MTOR: variants seen among roughly 807,000 people sequenced by gnomAD.
MTOR encodes mechanistic target of rapamycin kinase, also known as serine/threonine-protein kinase mTOR.
Under a neutral mutation model 319.8 loss-of-function variants are expected in MTOR, and 70 were observed. That is an observed-to-expected ratio of 0.22 (90% CI 0.18 to 0.27). The LOEUF (loss-of-function observed/expected upper bound fraction) is 0.27. Among genes scored for constraint, MTOR ranks in the 10% least tolerant of loss-of-function variants. The pLI is 1.00. For missense variants in MTOR, 1,890 were observed against 3,274.4 expected (o/e 0.58, Z 10.32); for synonymous variants, 1,183 against 1,211.4 (o/e 0.98, Z 0.49).
intron 38 of MTOR, chr1:11,131,380 C>A (rs1643150272): frequency 6.4e-6 from 1 of 156,142 alleles, no homozygotes; most frequent in African/African-American, 2.4e-5. Context: ...CTGGCACTTT[C>A]ACCCAGAAAG....
At chr1:11,111,937 C>T (rs557272010) in intron 54 of MTOR, among the ~76,000 whole-genome samples, 30 of 143,984 alleles carry the variant, frequency 2.1e-4, no homozygotes, top group African/African-American at 7.8e-4. Flanking sequence ...GAGGGCTAAA[C>T]AAAGTTAAAC....
At position 11,107,005 on chromosome 1, in the gene MTOR, T is replaced by C; in HGVS notation, c.*480A>G. 7.3e-7 allele frequency: 1 copy of C among 1,370,882 alleles called. No individual in the cohort carries two copies. The allele number at this position is 1,370,882 out of a possible 1,614,324, so 84.9% of individuals were successfully genotyped here. A position where few individuals can be genotyped will look rare whatever the true frequency, so the allele number is the denominator to read the frequency against. ...CAGACCAGTGAGGTCTTGGGATAGGTGGCAGGGGTGAGGTCAGCATCTTCT... is the reference window on the plus strand; with the variant it reads ...CAGACCAGTGAGGTCTTGGGATAGGCGGCAGGGGTGAGGTCAGCATCTTCT... On this transcript the variant is annotated 3_prime_UTR_variant, in exon 58 of 58. Coordinates refer to ENST00000361445, the MANE Select transcript of MTOR (RefSeq NM_004958.4).
At chr1:11,118,143 A>G (rs1365971127) in intron 49 of MTOR, among the ~76,000 whole-genome samples, 1 of 152,122 alleles carries the variant, frequency 6.6e-6, no homozygotes, top group Non-Finnish European at 1.5e-5. Flanking sequence ...TAGCAGGGAA[A>G]GGATGAATTA....
intron 34 of MTOR, among the ~76,000 whole-genome samples, chr1:11,140,421 T>C (rs1570972230): frequency 6.6e-6 from 1 of 152,196 alleles, no homozygotes; most frequent in East Asian, 1.9e-4. Flanking sequence ...TTCATGCTCC[T>C]GTGAGAATCC....
In MTOR at chr1:11,212,753, A is replaced by G; in HGVS notation, c.3398+43T>C. On this transcript the variant is annotated intron_variant, in intron 22 of 57. Transcript: ENST00000361445. The surrounding 1 kb of genome is among the most constrained non-coding windows in gnomAD (Gnocchi z 4.1). ...AAGAAATGAACATTTTCAACAAAACATTAAAGCTTAAAGATTGCTAGTCCC... is the reference window on the plus strand; with the variant it reads ...AAGAAATGAACATTTTCAACAAAACGTTAAAGCTTAAAGATTGCTAGTCCC... 2 of 1,505,400 alleles carry G rather than the reference A, an allele frequency of 1.3e-6. No homozygotes were observed. The allele number at this position is 1,505,400 out of a possible 1,614,324, so 93.3% of individuals were successfully genotyped here. A position where few individuals can be genotyped will look rare whatever the true frequency, so the allele number is the denominator to read the frequency against.
chr1:11,194,663 A>T, intron 28 of MTOR: 1 of 1,614,160 alleles, frequency 6.2e-7, no homozygotes, highest in South Asian at 1.1e-5. Context: ...CGCAAAGGTG[A>T]GATTTGGGGG....
rs140367029 is a variant in MTOR, at chr1:11,193,066, T to C, written c.4253+6192A>G. Among the ~76,000 whole-genome samples, 4 of 152,116 alleles carry C rather than the reference T, an allele frequency of 2.6e-5. No individual in the cohort carries two copies. In the East Asian group the frequency reaches 7.8e-4, roughly 29 times the overall value. ...GGTGGCTCACACCTGTAATCCCAAG[T>C]TTTTTGGGAGGTGAGGTGGGCGGAA... On this transcript the variant is annotated intron_variant, in intron 28 of 57. Transcript: ENST00000361445.
chr1:11,162,693 A>T (rs1413104835), intron 29 of MTOR, among the ~76,000 whole-genome samples: 1 of 152,184 alleles, frequency 6.6e-6, no homozygotes, highest in Admixed American at 6.5e-5. Context: ...TAAGCTTCAT[A>T]AGTGAAGGAG....
chr1:11,182,587 A>C (rs1475510982), intron 28 of MTOR, among the ~76,000 whole-genome samples: 2 of 152,226 alleles, frequency 1.3e-5, no homozygotes, highest in Non-Finnish European at 2.9e-5. Context: ...TGTAATTACC[A>C]CCCAGACCAG....
At chr1:11,108,768 G>A (rs1476504374) in intron 56 of MTOR, among the ~76,000 whole-genome samples, 1 of 151,570 alleles carries the variant, frequency 6.6e-6, no homozygotes. Context: ...GGTGCGGTGG[G>A]TGAATCACTT....
intron 30 of MTOR, among the ~76,000 whole-genome samples, chr1:11,154,109 A>T (rs929413134): frequency 7.3e-6 from 1 of 137,660 alleles, no homozygotes; most frequent in Non-Finnish European, 1.6e-5. Context: ...AAAAAGCCAC[A>T]TGTGGCTAGA....
At chr1:11,145,503 A>G (rs746137424) in intron 32 of MTOR, among the ~76,000 whole-genome samples, 20 of 151,964 alleles carry the variant, frequency 1.3e-4, no homozygotes, top group Admixed American at 1.3e-4. Context: ...CAGCCTCCCA[A>G]GTAGCTGGGA....
At chr1:11,252,801 A>C (rs1379594715) in intron 6 of MTOR, among the ~76,000 whole-genome samples, 1 of 152,184 alleles carries the variant, frequency 6.6e-6, no homozygotes, top group Non-Finnish European at 1.5e-5. Flanking sequence ...ATATATCCTG[A>C]ATCAACTACT....
intron 38 of MTOR, 22 bp from the exon 39 acceptor site, chr1:11,130,799 G>A (rs2100433940): frequency 6.4e-7 from 1 of 1,551,984 alleles, no homozygotes; most frequent in Admixed American, 2.0e-5. Flanking sequence ...GAAAGGCAAG[G>A]ACAGACACTG....
At chr1:11,154,752 G>A (rs1445865526) in intron 30 of MTOR, among the ~76,000 whole-genome samples, 1 of 152,140 alleles carries the variant, frequency 6.6e-6, no homozygotes, top group Non-Finnish European at 1.5e-5. Flanking sequence ...AGGAGGCTGA[G>A]GTGGGAGGAT....
intron 25 of MTOR, among the ~76,000 whole-genome samples, chr1:11,208,542 T>G (rs771562401): frequency 1.3e-5 from 2 of 152,216 alleles, no homozygotes; most frequent in African/African-American, 2.4e-5. Flanking sequence ...AGATGAAAAA[T>G]AACACTGAAA....
Position 11,212,671 on chromosome 1 carries a change from G to T in MTOR, c.3398+125C>A. The T allele has an allele frequency of 9.2e-7, 1 of 1,087,244 alleles. No individual in the cohort carries two copies. The highest frequency in any genetic ancestry group is 1.4e-6 in the Non-Finnish European group (1 of 739,780). 67.3% of individuals were successfully genotyped at this position (1,087,244 alleles called of 1,614,324 possible). A position where few individuals can be genotyped will look rare whatever the true frequency, so the allele number is the denominator to read the frequency against. On this transcript the variant is annotated intron_variant, in intron 22 of 57. Transcript: ENST00000361445. This position sits in a 1 kb window ranked among gnomAD's most constrained non-coding sequence, Gnocchi z 4.1. The stretch of plus-strand genomic sequence containing the variant: ...TTTCCATAAACCTGGGATATTTCTA[G>T]ACTAAAATAATGTGAGTTGAAATAA...
chr1:11,119,784 C>A (rs1320008048), intron 49 of MTOR, among the ~76,000 whole-genome samples: 4 of 146,740 alleles, frequency 2.7e-5, no homozygotes, highest in South Asian at 2.2e-4. Context: ...AACAAACAAA[C>A]AAAAAAAACA....
intron 20 of MTOR, among the ~76,000 whole-genome samples, chr1:11,215,866 G>T (rs1035425102): frequency 6.6e-6 from 1 of 152,186 alleles, no homozygotes; most frequent in Admixed American, 6.5e-5. Flanking sequence ...AAGTAAAATT[G>T]CTTTGTTGTG....
Sources: gnomAD v4.1 joint callset for allele counts (sites outside exome capture counted in the v4.1 genomes callset) on GRCh38, gnomAD v4.1.1 for gene constraint, Gnocchi (gnomAD v3.1) non-coding constraint, MANE v1.5 for transcripts, NCBI Gene and HGNC (gene_info 2026-07-23, HGNC 2026-07-21) for gene names.